NRG1: variants seen among roughly 807,000 people sequenced by gnomAD.
NRG1 encodes the protein neuregulin 1.
Under a neutral mutation model 63.8 loss-of-function variants are expected in NRG1, and 18 were observed. That is an observed-to-expected ratio of 0.28 (90% confidence interval 0.19 to 0.42). The LOEUF is 0.42. NRG1 is among the 10% of genes least tolerant of loss of function. The pLI is 1.00. For missense variants in NRG1, 762 were observed against 814.7 expected, an observed-to-expected ratio of 0.94 and a Z score of 0.79; for synonymous variants, 302 against 301.3, an observed-to-expected ratio of 1.00 and a Z score of -0.02.
chr8:32,254,220 G>T (rs567569193), intron 1 of NRG1, among the ~76,000 whole-genome samples: 81 of 151,906 alleles, frequency 5.3e-4, no homozygotes, highest in Non-Finnish European at 9.9e-4. Flanking sequence ...GTTATTTCTT[G>T]CCTTCTGCTA....
chr8:32,233,547 ATATATATATATATATATTTTT>A (rs1370510430), intron 1 of NRG1, among the ~76,000 whole-genome samples: 6 of 55,978 alleles, frequency 1.1e-4, no homozygotes, highest in African/African-American at 7.9e-4. Context: ...ATATATATAT[ATATATATATATATATATTTTT>A]TTTTTTTTTT....
intron 1 of NRG1, among the ~76,000 whole-genome samples, chr8:32,080,764 CGTGTGTGTGTGTGTGTGTGTGT>C (rs3084557): frequency 2.7e-5 from 4 of 148,836 alleles, no homozygotes; most frequent in Admixed American, 6.8e-5. Context: ...TGTGTGTGTG[CGTGTGTGTGTGTGTGTGTGTGT>C]GTGTGTGTGT....
chr8:32,072,599 A>T (rs1825916142), intron 1 of NRG1, among the ~76,000 whole-genome samples: 1 of 152,176 alleles, frequency 6.6e-6, no homozygotes, highest in South Asian at 2.1e-4. Flanking sequence ...GATAAAAATA[A>T]ATTAGTAATA....
Position 32,115,013 on chromosome 8 carries a change from T to A in NRG1, c.37+475582T>A, listed in dbSNP as rs190631078. Among the ~76,000 whole-genome samples, 18 of 152,100 alleles carry A rather than the reference T, an allele frequency of 1.2e-4. No homozygotes were observed. In the South Asian group the frequency reaches 3.1e-3, roughly 26 times the overall value. On this transcript the variant is annotated intron_variant, in intron 1 of 10. Transcript: ENST00000519301. The stretch of plus-strand genomic sequence containing the variant: ...CAGGCATTGGGGTGACAACCACCCT[T>A]ACAGTCAAAAATCTGTTTATAACTT...
intron 1 of NRG1, among the ~76,000 whole-genome samples, chr8:31,832,914 C>T (rs1825307205): frequency 6.6e-6 from 1 of 152,068 alleles, no homozygotes; most frequent in Admixed American, 6.5e-5. Flanking sequence ...TGTTAATGAA[C>T]ATTCTTTGAG....
intron 1 of NRG1, among the ~76,000 whole-genome samples, chr8:31,887,266 A>G (rs1221680087): frequency 6.6e-6 from 1 of 152,112 alleles, no homozygotes; most frequent in African/African-American, 2.4e-5. Context: ...AACATACATA[A>G]GAGAAAAGGC....
At chr8:32,499,077 C>T (rs1180242039) in intron 1 of NRG1, among the ~76,000 whole-genome samples, 1 of 152,116 alleles carries the variant, frequency 6.6e-6, no homozygotes, top group Non-Finnish European at 1.5e-5. Context: ...AGGGAAAGAA[C>T]ATAGATCAGA....
chr8:31,807,666 T>C (rs1297204157), intron 1 of NRG1, among the ~76,000 whole-genome samples: 1 of 152,146 alleles, frequency 6.6e-6, no homozygotes, highest in African/African-American at 2.4e-5. Context: ...AGGAACAATA[T>C]TGTATAGTGG....
chr8:32,333,847 A>C (rs1337127936), intron 1 of NRG1, among the ~76,000 whole-genome samples: 1 of 152,206 alleles, frequency 6.6e-6, no homozygotes, highest in Non-Finnish European at 1.5e-5. Flanking sequence ...AAAAAACTAA[A>C]CTACTTCCAG....
intron 5 of NRG1, among the ~76,000 whole-genome samples, chr8:32,653,084 A>G (rs1012555308): frequency 6.6e-6 from 1 of 150,582 alleles, no homozygotes; most frequent in African/African-American, 2.4e-5. Context: ...CTTTTGCTCT[A>G]CATCAATGCT....
intron 1 of NRG1, among the ~76,000 whole-genome samples, chr8:31,735,188 A>G (rs1200698934): frequency 6.6e-6 from 1 of 152,054 alleles, no homozygotes; most frequent in East Asian, 1.9e-4. Context: ...ATGTGCCCTG[A>G]CCACCCCCAT....
intron 1 of NRG1, among the ~76,000 whole-genome samples, chr8:31,694,174 G>T (rs1809816224): frequency 6.6e-6 from 1 of 152,132 alleles, no homozygotes; most frequent in Non-Finnish European, 1.5e-5. Context: ...GGGAAGGTGA[G>T]ATGTAGTGAC....
intron 1 of NRG1, chr8:31,639,918 G>A: frequency 9.0e-7 from 1 of 1,108,046 alleles, no homozygotes; most frequent in Middle Eastern, 2.4e-4. Flanking sequence ...GAAGGAAAAG[G>A]GAGGCAGCGC....
chr8:32,328,800 T>C (rs1183063205), intron 1 of NRG1, among the ~76,000 whole-genome samples: 1 of 152,156 alleles, frequency 6.6e-6, no homozygotes, highest in Admixed American at 6.5e-5. Flanking sequence ...GGGAAAAGCA[T>C]AAATCATCTT....
intron 1 of NRG1, among the ~76,000 whole-genome samples, chr8:32,582,158 C>A (rs1020017343): frequency 6.7e-6 from 1 of 149,588 alleles, no homozygotes; most frequent in African/African-American, 2.5e-5. Flanking sequence ...AGTGCAGTGG[C>A]ATGGTTTCAG....
intron 5 of NRG1, among the ~76,000 whole-genome samples, chr8:32,686,865 C>G (rs1810290370): frequency 1.3e-5 from 2 of 152,120 alleles, no homozygotes; most frequent in Non-Finnish European, 1.5e-5. Flanking sequence ...GAAGACAGAT[C>G]ATTTGGTATT....
At chr8:31,885,441 C>A (rs1053682201) in intron 1 of NRG1, among the ~76,000 whole-genome samples, 3 of 152,058 alleles carry the variant, frequency 2.0e-5, no homozygotes, top group African/African-American at 7.2e-5. Flanking sequence ...ATGTCCACTT[C>A]CCAATTTCAA....
chr8:31,657,706 A>G (rs549124958), intron 1 of NRG1, among the ~76,000 whole-genome samples: 1 of 152,216 alleles, frequency 6.6e-6, no homozygotes, highest in South Asian at 2.1e-4. Context: ...ATGGCTGAAC[A>G]TGTTTACATA....
intron 5 of NRG1, among the ~76,000 whole-genome samples, chr8:32,716,861 T>C (rs1177449027): frequency 5.3e-5 from 8 of 151,774 alleles, no homozygotes; most frequent in African/African-American, 1.9e-4. Flanking sequence ...CAAAGCCAGA[T>C]GATGATAGCA....
Sources: gnomAD v4.1 joint callset for allele counts (sites outside exome capture counted in the v4.1 genomes callset) on GRCh38, gnomAD v4.1.1 for gene constraint, MANE v1.5 for transcripts, NCBI Gene and HGNC (gene_info 2026-07-23, HGNC 2026-07-21) for gene names.